CHD8: variants seen among roughly 807,000 people sequenced by gnomAD.
The protein encoded by CHD8 is chromodomain helicase DNA binding protein 8, also known as ATP-dependent chromatin remodeler CHD8.
In CHD8, 31 loss-of-function variants were observed where a neutral mutation model predicts 279.2. That is an observed-to-expected ratio of 0.11 (90% CI 0.08 to 0.15). The LOEUF (loss-of-function observed/expected upper bound fraction) is 0.15. Among genes scored for constraint, CHD8 ranks in the 10% least tolerant of loss-of-function variants. The pLI is 1.00. For synonymous variants in CHD8, 1,081 were observed against 1,139.6 expected (o/e 0.95, Z 1.04); for missense variants, 2,146 against 3,230.5 (o/e 0.66, Z 8.14).
At chr14:21,424,182 G>A (rs977629173) in intron 5 of CHD8, among the ~76,000 whole-genome samples, 4 of 151,936 alleles carry the variant, frequency 2.6e-5, no homozygotes, top group South Asian at 2.1e-4. Context: ...CCTTCAATTC[G>A]GTTGGGATTT....
chr14:21,436,947 G>A (rs1312361819), intron 1 of CHD8: 3 of 1,288,470 alleles, frequency 2.3e-6, no homozygotes, highest in East Asian at 5.6e-5. Flanking sequence ...ATACAGCAGA[G>A]GCGGAAGATT....
At chr14:21,407,959 G>A (rs992579363) in intron 13 of CHD8, among the ~76,000 whole-genome samples, 1 of 151,990 alleles carries the variant, frequency 6.6e-6, no homozygotes, top group Non-Finnish European at 1.5e-5. Context: ...ACTAAAAAGA[G>A]GAAAAGAAAT....
chr14:21,449,042 C>T (rs923616193), intron 1 of CHD8, among the ~76,000 whole-genome samples: 14 of 151,794 alleles, frequency 9.2e-5, no homozygotes, highest in African/African-American at 2.7e-4. Context: ...GGCGTGGTGG[C>T]GGGCGCCTGT....
At chr14:21,424,718 G>A (rs998480485) in intron 5 of CHD8, among the ~76,000 whole-genome samples, 2 of 152,242 alleles carry the variant, frequency 1.3e-5, no homozygotes, top group Non-Finnish European at 1.5e-5. Flanking sequence ...TGATATGCCC[G>A]CCTCGGCCTC....
chr14:21,393,447 G>A (rs1192445762), intron 32 of CHD8, 29 bp downstream of exon 32: 1 of 1,523,726 alleles, frequency 6.6e-7, no homozygotes, highest in Non-Finnish European at 8.8e-7. Flanking sequence ...AATAGGGAAG[G>A]GGGCCAACAG....
chr14:21,391,757 T>C, intron 35 of CHD8, 76 bp downstream of exon 35: 1 of 1,518,426 alleles, frequency 6.6e-7, no homozygotes, highest in Non-Finnish European at 9.1e-7. Flanking sequence ...ATTCCCCCAG[T>C]CCCACTGCCT....
At chr14:21,448,570 T>G (rs990552424) in intron 1 of CHD8, among the ~76,000 whole-genome samples, 2 of 151,994 alleles carry the variant, frequency 1.3e-5, no homozygotes, top group Admixed American at 6.6e-5. Context: ...AACTTTTTTT[T>G]TGTTTTTTGA....
At position 21,431,123 on chromosome 14, in the gene CHD8, T is replaced by G. The variant is rs778243478; in HGVS notation, c.521A>C (p.His174Pro). 6.3e-7 allele frequency: 1 copy of G among 1,599,088 alleles called. No homozygotes were observed. Among genetic ancestry groups the G allele is most frequent in the South Asian group, 1.1e-5 (1 of 90,980 alleles). The change falls in exon 2 of 38, where the codon CAT becomes CCT. Residue 174 changes from histidine to proline, a missense_variant. Around this residue, in one of 26 missense-constraint regions of CHD8, gnomAD observed 302 missense variants for 325.5 expected, o/e 0.93. Transcript: ENST00000646647. ...APPSSSVTGA[H>P]VAQIQAQGIT... is the part of the protein sequence containing the mutation. ...ACCTTGGGCCTGAATTTGTGCCACA[T>G]GGGCACCAGTGACTGAGGAGCTTGG...
At position 21,390,582 on chromosome 14, in the gene CHD8, G is replaced by T. The variant is rs138224556; in HGVS notation, c.7182+365C>A. On this transcript the variant is annotated intron_variant, in intron 37 of 37. Coordinates refer to ENST00000646647, the MANE Select transcript of CHD8 (RefSeq NM_001170629.2). ...ATCACGAGGTCAGGAGTTCAAGACCGGCCTGGCCAAGATGGTGAAACCCAA... is the reference window on the plus strand; with the variant it reads ...ATCACGAGGTCAGGAGTTCAAGACCTGCCTGGCCAAGATGGTGAAACCCAA... 3.6e-4 allele frequency among the ~76,000 whole-genome samples: 54 copies of T among 151,992 alleles called. No homozygotes were observed. The East Asian group carries it at 9.1e-3, about 26-fold the overall frequency.
At chr14:21,450,756 C>T (rs2139574751) in intron 1 of CHD8, among the ~76,000 whole-genome samples, 1 of 151,874 alleles carries the variant, frequency 6.6e-6, no homozygotes, top group East Asian at 1.9e-4. Context: ...AATTCAGTTA[C>T]TATATATCCT....
intron 37 of CHD8, among the ~76,000 whole-genome samples, chr14:21,388,634 G>C (rs1406170135): frequency 1.1e-4 from 17 of 152,068 alleles, no homozygotes; most frequent in Non-Finnish European, 1.5e-5. Context: ...TGATACTAGA[G>C]GACTGCACTA....
chr14:21,393,524 AGC>A lies in CHD8; in HGVS notation c.6269_6270del (p.Ser2090IlefsTer6). Reference protein sequence around the residue: ...PSSSSSSSSSSSSSSTDESED... With the variant: ...PSSSSSSSSSXSSSSTDESED... The stretch of plus-strand genomic sequence containing the variant: ...TCACTCTCATCAGTGCTGGAGCTGG[AGC>A]TGGATGAGGATGAGGAAGAAGAAGA... On this transcript the variant is annotated frameshift_variant, in exon 32 of 38. Transcript: ENST00000646647. LOFTEE classifies it high-confidence loss of function. The A allele has an allele frequency of 1.3e-6, 2 of 1,596,840 alleles. No homozygotes were observed. The highest frequency in any genetic ancestry group is 1.7e-6 in the Non-Finnish European group (2 of 1,171,402).
chr14:21,394,622 AAAG>A, intron 30 of CHD8, 137 bp from the exon 31 acceptor site: 1 of 586,692 alleles, frequency 1.7e-6, no homozygotes, highest in Non-Finnish European at 2.8e-6. Context: ...AAAAAAAAAA[AAAG>A]GCCCAGAAGA....
chr14:21,424,722 C>T (rs750322866), intron 5 of CHD8, among the ~76,000 whole-genome samples: 14 of 152,178 alleles, frequency 9.2e-5, no homozygotes, highest in East Asian at 5.8e-4. Flanking sequence ...ATGCCCGCCT[C>T]GGCCTCCCAA....
intron 1 of CHD8, among the ~76,000 whole-genome samples, chr14:21,442,958 C>T (rs867527277): frequency 6.6e-6 from 1 of 152,182 alleles, no homozygotes; most frequent in African/African-American, 2.4e-5. Context: ...AATGTAGCTG[C>T]AATTCACCTC....
At position 21,430,904 on chromosome 14, in the gene CHD8, T is replaced by G; in HGVS notation, c.740A>C (p.Gln247Pro). 1 of 1,599,426 alleles carries G rather than the reference T, an allele frequency of 6.3e-7. No homozygotes were observed. The highest frequency in any genetic ancestry group is 1.3e-5 in the African/African-American group (1 of 75,060). Reference protein sequence around the residue: ...RIVQPSRPVKQLVLQPVKGSA... With the variant: ...RIVQPSRPVKPLVLQPVKGSA... ...ACCCTTAACTGGCTGGAGGACCAGC[T>G]GCTTTACTGGTCGGCTGGGCTGGAC... Residue 247 changes from glutamine to proline, a missense_variant, in exon 2 of 38, where the codon CAG (glutamine) becomes CCG (proline). Gln to Pro is a moderately conservative substitution (Grantham distance 76). This residue lies in a region of CHD8 where 302 missense variants were observed against 325.5 expected (regional missense o/e 0.93). Transcript: ENST00000646647.
chr14:21,414,591 T>A, intron 8 of CHD8, 173 bp from the exon 9 acceptor site: 2 of 599,462 alleles, frequency 3.3e-6, no homozygotes, highest in South Asian at 4.2e-5. Context: ...CCACCTGGTA[T>A]GGGATGTGCT....
At chr14:21,407,900 C>T (rs1426057123) in intron 13 of CHD8, among the ~76,000 whole-genome samples, 2 of 152,074 alleles carry the variant, frequency 1.3e-5, no homozygotes, top group East Asian at 1.9e-4. Context: ...TGAGCCACCA[C>T]GCCCGACCAT....
chr14:21,388,005 A>G (rs1290912703), intron 37 of CHD8, among the ~76,000 whole-genome samples: 2 of 152,186 alleles, frequency 1.3e-5, no homozygotes, highest in African/African-American at 4.8e-5. Context: ...AGATGGCATT[A>G]GCCTTCTAGC....
Sources: allele counts gnomAD v4.1 joint callset (sites outside exome capture counted in the v4.1 genomes callset), GRCh38; gene constraint gnomAD v4.1.1; regional missense constraint gnomAD v4.1.1; transcripts MANE v1.5; gene names NCBI Gene and HGNC (gene_info 2026-07-23, HGNC 2026-07-21).